PPARGC1A: variants seen among roughly 807,000 people sequenced by gnomAD.
PPARGC1A encodes the protein peroxisome proliferator-activated receptor gamma coactivator 1-alpha.
In PPARGC1A, 25 loss-of-function variants were observed where a neutral mutation model predicts 88.7. That is an observed-to-expected ratio of 0.28 (90% CI 0.21 to 0.39). The LOEUF is 0.39. Among genes scored for constraint, PPARGC1A ranks in the 10% least tolerant of loss-of-function variants. The probability of loss-of-function intolerance (pLI) is 1.00; values close to 1 mark genes in which losing one functional copy is unlikely to be tolerated. For missense variants in PPARGC1A, 880 were observed against 968.7 expected (o/e 0.91, Z 1.22); for synonymous variants, 363 against 355.6 (o/e 1.02, Z -0.24).
chr4:23,990,625 T>G, the PPARGC1A span, among the ~76,000 whole-genome samples: 1 of 152,040 alleles, frequency 6.6e-6, no homozygotes, highest in East Asian at 1.9e-4. Context: ...TCCTGATCCC[T>G]GGAGAACTGA....
chr4:23,909,237 T>C, the PPARGC1A span, among the ~76,000 whole-genome samples: 8 of 152,294 alleles, frequency 5.3e-5, no homozygotes, highest in Non-Finnish European at 8.8e-5. Context: ...ATTATGTATG[T>C]ATAGAGAAGC....
chr4:23,840,253 C>T (rs1478204122), intron 2 of PPARGC1A, among the ~76,000 whole-genome samples: 1 of 151,970 alleles, frequency 6.6e-6, no homozygotes, highest in Admixed American at 6.6e-5. Context: ...TAATCAGCTA[C>T]TCAGGGATGA....
chr4:24,281,624 C>T, the PPARGC1A span, among the ~76,000 whole-genome samples: 3 of 152,166 alleles, frequency 2.0e-5, no homozygotes, highest in African/African-American at 4.8e-5. Flanking sequence ...GGACGAAAAC[C>T]GAAATCATAA....
At chr4:24,153,353 T>C in the PPARGC1A span, among the ~76,000 whole-genome samples, 29 of 151,920 alleles carry the variant, frequency 1.9e-4, 1 homozygote, top group African/African-American at 3.1e-4. Context: ...AATGGCATAC[T>C]TTGAAAAAAA....
At chr4:24,467,243 C>T in the PPARGC1A span, among the ~76,000 whole-genome samples, 8 of 152,080 alleles carry the variant, frequency 5.3e-5, no homozygotes, top group African/African-American at 1.7e-4. Context: ...TAGGAGAAAC[C>T]CAAAGTCAGA....
At chr4:24,028,426 A>G in the PPARGC1A span, among the ~76,000 whole-genome samples, 1 of 152,160 alleles carries the variant, frequency 6.6e-6, no homozygotes, top group African/African-American at 2.4e-5. Context: ...CCATTTGTTG[A>G]GCACCTATGC....
intron 5 of PPARGC1A, 138 bp downstream of exon 5, chr4:23,828,262 G>T: frequency 1.1e-6 from 1 of 889,094 alleles, no homozygotes; most frequent in Non-Finnish European, 1.8e-6. Flanking sequence ...CCCCCGCTCT[G>T]TAATAAGTGC....
the PPARGC1A span, among the ~76,000 whole-genome samples, chr4:24,074,432 A>T: frequency 6.7e-6 from 1 of 150,090 alleles, no homozygotes; most frequent in African/African-American, 2.4e-5. Flanking sequence ...ATTCAGAATA[A>T]TTTTTTTTTT....
chr4:24,330,537 TCCAGCC>T, the PPARGC1A span, among the ~76,000 whole-genome samples: 5 of 152,086 alleles, frequency 3.3e-5, no homozygotes, highest in African/African-American at 1.2e-4. Context: ...TTCAGCTGAC[TCCAGCC>T]CCAGCCACAG....
At chr4:23,895,007 T>C (rs187915866), upstream of PPARGC1A, among the ~76,000 whole-genome samples, 345 of 152,114 alleles carry the variant, frequency 2.3e-3, no homozygotes, top group African/African-American at 7.0e-3. Flanking sequence ...ATATTACATA[T>C]TGTCAAATTT....
At chr4:24,353,420 C>T in the PPARGC1A span, among the ~76,000 whole-genome samples, 1 of 151,928 alleles carries the variant, frequency 6.6e-6, no homozygotes, top group South Asian at 2.1e-4. Flanking sequence ...CAATGTTCTC[C>T]ATCTTCATCA....
intron 7 of PPARGC1A, among the ~76,000 whole-genome samples, chr4:23,817,359 G>A (rs1722169876): frequency 6.6e-6 from 1 of 152,082 alleles, no homozygotes; most frequent in East Asian, 1.9e-4. Flanking sequence ...TTTTACCTCT[G>A]TCACACATTA....
At chr4:24,450,981 CTGAG>C in the PPARGC1A span, among the ~76,000 whole-genome samples, 4 of 152,146 alleles carry the variant, frequency 2.6e-5, no homozygotes, top group Non-Finnish European at 1.5e-5. Context: ...CAGAACTCTT[CTGAG>C]TCTGCTCAAA....
chr4:24,132,251 C>T, the PPARGC1A span, among the ~76,000 whole-genome samples: 2 of 151,782 alleles, frequency 1.3e-5, no homozygotes, highest in African/African-American at 2.4e-5. Flanking sequence ...CCACATCTTC[C>T]AGTCCTCAAT....
intron 2 of PPARGC1A, among the ~76,000 whole-genome samples, chr4:23,847,019 C>T (rs561364700): frequency 1.3e-5 from 2 of 152,160 alleles, no homozygotes; most frequent in South Asian, 4.2e-4. Flanking sequence ...TAAATTTAAT[C>T]ACATATGCAT....
At chr4:24,099,835 G>A in the PPARGC1A span, among the ~76,000 whole-genome samples, 1 of 151,930 alleles carries the variant, frequency 6.6e-6, no homozygotes, top group South Asian at 2.1e-4. Flanking sequence ...AGAGAATTAA[G>A]AAGGCAATTT....
the PPARGC1A span, among the ~76,000 whole-genome samples, chr4:24,167,423 C>T: frequency 1.3e-5 from 2 of 152,184 alleles, no homozygotes; most frequent in African/African-American, 4.8e-5. Flanking sequence ...TAGAATATTA[C>T]ATAAACTTAG....
At chr4:24,131,713 G>A in the PPARGC1A span, among the ~76,000 whole-genome samples, 1 of 152,082 alleles carries the variant, frequency 6.6e-6, no homozygotes, top group Non-Finnish European at 1.5e-5. Context: ...AAAAATGTGA[G>A]GTATTCTAAA....
the PPARGC1A span, among the ~76,000 whole-genome samples, chr4:24,089,689 T>C: frequency 6.6e-6 from 1 of 152,014 alleles, no homozygotes; most frequent in Non-Finnish European, 1.5e-5. Flanking sequence ...TTTTTTTGTA[T>C]TTTTGGTAGA....
Sources: gnomAD v4.1 joint callset for allele counts (sites outside exome capture counted in the v4.1 genomes callset) on GRCh38, gnomAD v4.1.1 for gene constraint, MANE v1.5 for transcripts, NCBI Gene and HGNC (gene_info 2026-07-23, HGNC 2026-07-21) for gene names.